Variants in SVIL observed in about 807,000 individuals in gnomAD.
SVIL encodes archvillin.
A neutral mutation model predicts 240.4 loss-of-function variants in SVIL; 101 were observed. That is an observed-to-expected ratio of 0.42 (90% CI 0.36 to 0.50). The LOEUF (loss-of-function observed/expected upper bound fraction) is 0.50, where lower values mean the gene tolerates loss of function less well. SVIL is among the 20% of genes least tolerant of loss of function. The pLI is 0.01. For synonymous variants in SVIL, 999 were observed against 1,100.0 expected (o/e 0.91, Z 1.82); for missense variants, 2,512 against 2,818.7 (o/e 0.89, Z 2.46).
chr10:29,473,330 T>G (rs2281946), intron 30 of SVIL, among the ~76,000 whole-genome samples: 57,012 of 152,126 alleles, frequency 0.37, 11,007 homozygotes, highest in East Asian at 0.54. Flanking sequence ...ACTTCCTTCA[T>G]GTAGATTCGT....
At chr10:29,462,946 G>A (rs1012415552) in intron 35 of SVIL, among the ~76,000 whole-genome samples, 1 of 152,004 alleles carries the variant, frequency 6.6e-6, no homozygotes, top group South Asian at 2.1e-4. Flanking sequence ...TTAATTACTG[G>A]CATTTTCATT....
chr10:29,532,656 G>A lies in SVIL; in HGVS notation c.1711C>T (p.Leu571=). The change falls in exon 8 of 38, where the codon CTG becomes TTG. Residue 571 remains leucine (L), a synonymous_variant. Transcript: ENST00000355867. ...KYKDPASRRE[L]ELPSSKTEGP... is the part of the protein sequence containing the mutation. ...TCGGTCTTGGAGCTGGGCAGCTCCA[G>A]CTCTCTCCTGGAAGCTGGGTCCTTA... is the stretch of plus-strand genomic sequence containing the variant. 1 of 1,614,190 alleles carries A rather than the reference G, an allele frequency of 6.2e-7. No individual in the cohort carries two copies.
intron 15 of SVIL, 143 bp downstream of exon 15, chr10:29,523,308 T>C: frequency 2.8e-6 from 2 of 718,712 alleles, no homozygotes; most frequent in East Asian, 2.8e-5. Flanking sequence ...CAGGGAAGAA[T>C]AGGATTCCCG....
intron 18 of SVIL, among the ~76,000 whole-genome samples, chr10:29,497,747 G>C (rs1948554914): frequency 6.6e-6 from 1 of 152,164 alleles, no homozygotes; most frequent in South Asian, 2.1e-4. Context: ...GGCTGACTTA[G>C]GGTACATGGT....
At chr10:29,568,145 C>T (rs1589284161) in intron 2 of SVIL, among the ~76,000 whole-genome samples, 1 of 151,932 alleles carries the variant, frequency 6.6e-6, no homozygotes, top group African/African-American at 2.4e-5. Flanking sequence ...TCAGTTAAGA[C>T]AACCTCACTG....
chr10:29,531,935 A>G (rs1951397590), intron 9 of SVIL, 67 bp downstream of exon 9: 1 of 1,545,614 alleles, frequency 6.5e-7, no homozygotes, highest in African/African-American at 1.4e-5. Flanking sequence ...CAAGACCGTC[A>G]GTGTGGTAAA....
At chr10:29,658,771 A>C (rs1959077266) in intron 2 of SVIL, among the ~76,000 whole-genome samples, 1 of 152,186 alleles carries the variant, frequency 6.6e-6, no homozygotes, top group Admixed American at 6.5e-5. Flanking sequence ...AATTAAAAAC[A>C]AAAGAACAAA....
chr10:29,576,255 C>T, intron 1 of SVIL: 1 of 305,744 alleles, frequency 3.3e-6, no homozygotes, highest in Non-Finnish European at 4.8e-6. Context: ...CACTCTTCTT[C>T]TCAATGAGTG....
intron 18 of SVIL, among the ~76,000 whole-genome samples, chr10:29,497,598 A>T (rs1948545451): frequency 6.6e-6 from 1 of 152,228 alleles, no homozygotes; most frequent in Non-Finnish European, 1.5e-5. Flanking sequence ...CCCACTGCCT[A>T]GGAACTGAGG....
intron 16 of SVIL, among the ~76,000 whole-genome samples, chr10:29,516,734 C>A (rs1375240071): frequency 6.6e-6 from 1 of 152,236 alleles, no homozygotes; most frequent in Admixed American, 6.5e-5. Flanking sequence ...TCACCCAACG[C>A]CTGGCCCAGG....
At chr10:29,622,981 CAAAG>C (rs1957721988) in intron 1 of SVIL, among the ~76,000 whole-genome samples, 2 of 152,248 alleles carry the variant, frequency 1.3e-5, no homozygotes, top group East Asian at 1.9e-4. Flanking sequence ...TTTCGGGACA[CAAAG>C]AACCTACAAA....
At chr10:29,630,753 A>G (rs761238992) in intron 1 of SVIL, among the ~76,000 whole-genome samples, 5 of 152,098 alleles carry the variant, frequency 3.3e-5, no homozygotes, top group Admixed American at 1.3e-4. Context: ...GATGAAGGAA[A>G]AAAAAGGAGA....
rs560733345 is a variant in SVIL, at chr10:29,673,883, C to T, written c.-301+12670G>A. On this transcript the variant is annotated intron_variant, in intron 2 of 35. Transcript: ENST00000375400. ...GTGTAGGTACCAAGAAGTTCTTAGACCCCAAGGAAGTTAAGAATGGCTCTT... is the reference window on the plus strand; with the variant it reads ...GTGTAGGTACCAAGAAGTTCTTAGATCCCAAGGAAGTTAAGAATGGCTCTT... Among the ~76,000 whole-genome samples, 12 of 152,260 alleles carry T rather than the reference C, an allele frequency of 7.9e-5. No individual in the cohort carries two copies. The South Asian group carries it at 2.5e-3, about 32-fold the overall frequency.
At chr10:29,562,769 GAAAAAAAAAAA>G (rs34507610) in intron 3 of SVIL, among the ~76,000 whole-genome samples, 70 of 115,720 alleles carry the variant, frequency 6.0e-4, no homozygotes, top group Admixed American at 9.6e-5. Flanking sequence ...TCAAAAAAAA[GAAAAAAAAAAA>G]AAAAAAAAAA....
At chr10:29,549,702 A>T (rs1953053375) in intron 6 of SVIL, among the ~76,000 whole-genome samples, 1 of 141,534 alleles carries the variant, frequency 7.1e-6, no homozygotes, top group Non-Finnish European at 1.5e-5. Context: ...ATAAAAAAGG[A>T]TGAGTTCATG....
intron 1 of SVIL, among the ~76,000 whole-genome samples, chr10:29,608,571 G>A (rs150333589): frequency 2.0e-5 from 3 of 152,374 alleles, no homozygotes; most frequent in African/African-American, 7.2e-5. Flanking sequence ...AGAGGTGCCT[G>A]TTCCCACTCT....
intron 1 of SVIL, among the ~76,000 whole-genome samples, chr10:29,704,783 G>A (rs905151812): frequency 6.6e-6 from 1 of 151,910 alleles, no homozygotes; most frequent in African/African-American, 2.4e-5. Context: ...CCATCCTAGC[G>A]GACAACTCAG....
upstream of SVIL, among the ~76,000 whole-genome samples, chr10:29,636,202 C>T (rs569942229): frequency 5.3e-5 from 8 of 151,982 alleles, no homozygotes; most frequent in African/African-American, 1.7e-4. Flanking sequence ...TCTTCTTTTC[C>T]CTTGGACCAT....
Position 29,509,132 on chromosome 10 carries a change from C to T in SVIL, c.3516+3603G>A, listed in dbSNP as rs114275737. Among the ~76,000 whole-genome samples, 1,244 of 152,204 alleles carry T rather than the reference C, an allele frequency of 8.2e-3. 18 individuals carry two copies. Among genetic ancestry groups the T allele is most frequent in the African/African-American group, 0.029 (1,199 of 41,510 alleles). On this transcript the variant is annotated intron_variant, in intron 17 of 37. Coordinates refer to ENST00000355867, the MANE Select transcript of SVIL (RefSeq NM_021738.3). ...ATGCTCAAGTGCACATAAACCACAC[C>T]GTGCAGACCAGACCAAATCCACAAA...
Sources: gnomAD v4.1 joint callset for allele counts (sites outside exome capture counted in the v4.1 genomes callset) on GRCh38, gnomAD v4.1.1 for gene constraint, MANE v1.5 for transcripts, NCBI Gene and HGNC (gene_info 2026-07-23, HGNC 2026-07-21) for gene names.